ZNF26: variants seen among roughly 807,000 people sequenced by gnomAD.
The protein encoded by ZNF26 is epididymis luminal protein 179.
ZNF26 carries 32 observed loss-of-function variants against 54.9 expected under a neutral mutation model. The observed-to-expected ratio is 0.58, with a 90% CI of 0.44 to 0.78. ZNF26 has a LOEUF of 0.78. ZNF26 is among the 30% of genes least tolerant of loss of function. The pLI is 0.00. For missense variants in ZNF26, 524 were observed against 634.0 expected (o/e 0.83, Z 1.86); for synonymous variants, 221 against 209.2 (o/e 1.06, Z -0.49).
chr12:132,993,957 G>T (rs1297039552), intron 1 of ZNF26, among the ~76,000 whole-genome samples: 1 of 152,150 alleles, frequency 6.6e-6, no homozygotes, highest in Non-Finnish European at 1.5e-5. Flanking sequence ...AACCTCACAA[G>T]TATTTCCCAG....
At position 133,022,664 on chromosome 12, in the gene ZNF26, T is replaced by A. The variant is rs1953659471; in HGVS notation, c.*11183T>A. Reference sequence around the variant, plus strand: ...CAATACAAATTTAATTAAAACAAAATAAATCTGATAAAGATGTAAAAGAAT... The same window carrying A: ...CAATACAAATTTAATTAAAACAAAAAAAATCTGATAAAGATGTAAAAGAAT... On this transcript the variant is annotated 3_prime_UTR_variant, in exon 4 of 4. Coordinates refer to ENST00000328654, the MANE Select transcript of ZNF26 (RefSeq NM_019591.4). The A allele has an allele frequency of 6.9e-6, 1 of 144,786 alleles. No individual in the cohort carries two copies. Among genetic ancestry groups the A allele is most frequent in the African/African-American group, 2.9e-5 (1 of 34,542 alleles). The allele number at this position is 144,786 out of a possible 1,614,324, so 9.0% of individuals were successfully genotyped here. A position where few individuals can be genotyped will look rare whatever the true frequency, so the allele number is the denominator to read the frequency against.
In ZNF26 at chr12:133,011,159, A is replaced by G; in HGVS notation, c.1280A>G (p.Glu427Gly). ...RRTHTGERPY[E>G]CSLCERAFCG... ...ACACACACCGGAGAGAGACCCTATG[A>G]ATGTAGTTTGTGTGAGAGAGCCTTT... is the stretch of plus-strand genomic sequence containing the variant. Residue 427 changes from glutamate to glycine, a missense_variant, in exon 4 of 4, where the codon GAA (glutamate) becomes GGA (glycine). By Grantham distance (98) the Glu-to-Gly change is moderately conservative. Transcript: ENST00000328654. 6.2e-7 allele frequency: 1 copy of G among 1,614,134 alleles called. No homozygotes were observed. Among genetic ancestry groups the G allele is most frequent in the Non-Finnish European group, 8.5e-7 (1 of 1,180,022 alleles).
In ZNF26 at chr12:133,017,859, A is replaced by G. The variant is rs1385121182; in HGVS notation, c.*6378A>G. ...CCCATCTCTATTAAAAACACAAAAAATTAGCGGGGCGTGGTGGCGGGCGCC... is the reference window on the plus strand; with the variant it reads ...CCCATCTCTATTAAAAACACAAAAAGTTAGCGGGGCGTGGTGGCGGGCGCC... On this transcript the variant is annotated 3_prime_UTR_variant, in exon 4 of 4. Transcript: ENST00000328654. 1 of 152,184 alleles carries G rather than the reference A, an allele frequency of 6.6e-6. No individual in the cohort carries two copies. Among genetic ancestry groups the G allele is most frequent in the Non-Finnish European group, 1.5e-5 (1 of 68,092 alleles). 9.4% of individuals were successfully genotyped at this position (152,184 alleles called of 1,614,324 possible).
rs1953679437 is a variant in ZNF26 at position 133,024,662 on chromosome 12, G to T, written c.*13181G>T. On this transcript the variant is annotated 3_prime_UTR_variant, in exon 4 of 4. Transcript: ENST00000328654. ...TAAGATTCCAGAAAGATCTGAAGCG[G>T]TGCCTCCTGACCCCCTTCAATGAAT... 6.6e-6 allele frequency: 1 copy of T among 152,150 alleles called. No homozygotes were observed. Among genetic ancestry groups the T allele is most frequent in the African/African-American group, 2.4e-5 (1 of 41,416 alleles). The allele number at this position is 152,150 out of a possible 1,614,324, so 9.4% of individuals were successfully genotyped here. A position where few individuals can be genotyped will look rare whatever the true frequency, so the allele number is the denominator to read the frequency against.
rs375815433 is a variant in ZNF26, at chr12:132,986,774, C to T, written c.-67C>T. 3.2e-6 allele frequency: 5 copies of T among 1,538,482 alleles called. No homozygotes were observed. In the African/African-American group the frequency reaches 5.5e-5, roughly 17 times the overall value. On this transcript the variant is annotated 5_prime_UTR_variant, in exon 1 of 4. Coordinates refer to ENST00000328654, the MANE Select transcript of ZNF26 (RefSeq NM_019591.4). The stretch of plus-strand genomic sequence containing the variant: ...CGCACCTGTCTTCGGGCGGACGCAT[C>T]CCTCACGGTCTCTCCGCAGCCCGCG...
chr12:132,993,048 G>A (rs1952998421), intron 1 of ZNF26, among the ~76,000 whole-genome samples: 1 of 93,368 alleles, frequency 1.1e-5, no homozygotes, highest in Non-Finnish European at 2.4e-5. Flanking sequence ...TTTTTGAGAT[G>A]GAGTCTCACT....
Position 133,020,081 on chromosome 12 carries a change from G to A in ZNF26, c.*8600G>A, listed in dbSNP as rs1315761835. ...GCTGCCCTCCAGCCTGGGCGACAGAGTAAAGCTCCATCTCAAAAAACAAAA... is the reference window on the plus strand; with the variant it reads ...GCTGCCCTCCAGCCTGGGCGACAGAATAAAGCTCCATCTCAAAAAACAAAA... On this transcript the variant is annotated 3_prime_UTR_variant, in exon 4 of 4. Transcript: ENST00000328654. The A allele has an allele frequency of 7.2e-6, 1 of 138,760 alleles. No homozygotes were observed. Among genetic ancestry groups the A allele is most frequent in the Non-Finnish European group, 1.5e-5 (1 of 64,846 alleles). The allele number at this position is 138,760 out of a possible 1,614,324, so 8.6% of individuals were successfully genotyped here.
At chr12:133,008,449 A>G (rs1405719170) in intron 3 of ZNF26, among the ~76,000 whole-genome samples, 29 of 152,216 alleles carry the variant, frequency 1.9e-4, no homozygotes, top group African/African-American at 6.0e-4. Context: ...AACTCCAGAC[A>G]TGTGTTAGGC....
rs145723824 is a variant in ZNF26 at position 132,997,466 on chromosome 12, CAG to C, written c.34-9575_34-9574del. 9.3e-3 allele frequency among the ~76,000 whole-genome samples: 1,419 copies of C among 152,150 alleles called. 18 individuals carry two copies. The highest frequency in any genetic ancestry group is 0.032 in the African/African-American group (1,346 of 41,482). On this transcript the variant is annotated intron_variant, in intron 1 of 3. Coordinates refer to ENST00000328654, the MANE Select transcript of ZNF26 (RefSeq NM_019591.4). ...TGAGCTTCCAAGATAGAGTCCAGAA[CAG>C]GGGTTAATCAGAAGCCCACATGGTC...
At chr12:132,990,047 G>A (rs1952913821) in intron 1 of ZNF26, among the ~76,000 whole-genome samples, 1 of 152,142 alleles carries the variant, frequency 6.6e-6, no homozygotes, top group Non-Finnish European at 1.5e-5. Flanking sequence ...ACTTTGGGAG[G>A]CTGAGGCAGG....
intron 1 of ZNF26, among the ~76,000 whole-genome samples, chr12:133,004,226 G>A (rs1458119264): frequency 6.6e-6 from 1 of 152,130 alleles, no homozygotes; most frequent in Non-Finnish European, 1.5e-5. Flanking sequence ...GTTGTTCACA[G>A]GCACACTGAA....
At chr12:132,987,786 T>G in intron 1 of ZNF26, 5 of 960,476 alleles carry the variant, frequency 5.2e-6, no homozygotes, top group Non-Finnish European at 6.2e-6. Flanking sequence ...CTCAGGTTAA[T>G]GAAAGGAAAG....
At chr12:132,998,330 C>G (rs1726249869) in intron 1 of ZNF26, among the ~76,000 whole-genome samples, 1 of 151,972 alleles carries the variant, frequency 6.6e-6, no homozygotes, top group Non-Finnish European at 1.5e-5. Flanking sequence ...GCACGCCTGG[C>G]TAATTTTTGT....
rs919863009 is a variant in ZNF26, at chr12:133,012,968, G to C, written c.*1487G>C. ...TAACAAAGTGGGGTATATGATTTAGGTTTGTTTGTTTTTCCTGAGACAAGA... is the reference window on the plus strand; with the variant it reads ...TAACAAAGTGGGGTATATGATTTAGCTTTGTTTGTTTTTCCTGAGACAAGA... On this transcript the variant is annotated 3_prime_UTR_variant, in exon 4 of 4. Transcript: ENST00000328654. 5.9e-5 allele frequency: 9 copies of C among 152,068 alleles called. No individual in the cohort carries two copies. Among genetic ancestry groups the C allele is most frequent in the African/African-American group, 2.2e-4 (9 of 41,422 alleles). The allele number at this position is 152,068 out of a possible 1,614,324, so 9.4% of individuals were successfully genotyped here. A position where few individuals can be genotyped will look rare whatever the true frequency, so the allele number is the denominator to read the frequency against.
Position 133,001,726 on chromosome 12 carries a change from C to T in ZNF26, c.34-5316C>T. 2 of 1,288,786 alleles carry T rather than the reference C, an allele frequency of 1.6e-6. No homozygotes were observed. The highest frequency in any genetic ancestry group is 2.3e-5 in the Admixed American group (1 of 43,544). The allele number at this position is 1,288,786 out of a possible 1,614,324, so 79.8% of individuals were successfully genotyped here. Reference sequence around the variant, plus strand: ...TTGGGCCCAGGGAAACAGTGCCCTGCCTGAGGTGAGCCGCAGGGAGGCGGG... The same window carrying T: ...TTGGGCCCAGGGAAACAGTGCCCTGTCTGAGGTGAGCCGCAGGGAGGCGGG... On this transcript the variant is annotated intron_variant, in intron 1 of 3. Coordinates refer to ENST00000328654, the MANE Select transcript of ZNF26 (RefSeq NM_019591.4). This position sits in a 1 kb window ranked among gnomAD's most constrained non-coding sequence, Gnocchi z 4.7.
chr12:133,025,116 A>G lies in ZNF26; in HGVS notation c.*13635A>G, dbSNP rs1297532957. ...GAGAAGTCCAAGAAAGCAGAACCAA[A>G]CCCTAATCACCGAACTGGTAATGGG... On this transcript the variant is annotated 3_prime_UTR_variant, in exon 4 of 4. Coordinates refer to ENST00000328654, the MANE Select transcript of ZNF26 (RefSeq NM_019591.4). 1 of 152,044 alleles carries G rather than the reference A, an allele frequency of 6.6e-6. No individual in the cohort carries two copies. Among genetic ancestry groups the G allele is most frequent in the East Asian group, 1.9e-4 (1 of 5,190 alleles). The allele number at this position is 152,044 out of a possible 1,614,324, so 9.4% of individuals were successfully genotyped here. A position where few individuals can be genotyped will look rare whatever the true frequency, so the allele number is the denominator to read the frequency against.
At position 133,022,618 on chromosome 12, in the gene ZNF26, A is replaced by G. The variant is rs1953658836; in HGVS notation, c.*11137A>G. The G allele has an allele frequency of 1.3e-5, 2 of 152,336 alleles. No individual in the cohort carries two copies. Among genetic ancestry groups the G allele is most frequent in the South Asian group, 2.1e-4 (1 of 4,828 alleles). The allele number at this position is 152,336 out of a possible 1,614,324, so 9.4% of individuals were successfully genotyped here. ...ATAAGGGATCTCTGCATTATTTTGTATACTCTAGGTGAAACTATCTCAATA... is the reference window on the plus strand; with the variant it reads ...ATAAGGGATCTCTGCATTATTTTGTGTACTCTAGGTGAAACTATCTCAATA... On this transcript the variant is annotated 3_prime_UTR_variant, in exon 4 of 4. Transcript: ENST00000328654.
At position 133,014,528 on chromosome 12, in the gene ZNF26, T is replaced by G. The variant is rs1223508819; in HGVS notation, c.*3047T>G. The G allele has an allele frequency of 2.1e-5, 3 of 140,818 alleles. No individual in the cohort carries two copies. Among genetic ancestry groups the G allele is most frequent in the South Asian group, 2.4e-4 (1 of 4,188 alleles). 8.7% of individuals were successfully genotyped at this position (140,818 alleles called of 1,614,324 possible). A position where few individuals can be genotyped will look rare whatever the true frequency, so the allele number is the denominator to read the frequency against. The stretch of plus-strand genomic sequence containing the variant: ...GCAGTGATGATGGTTTTGCTTTCTG[T>G]TTTTTTTTTTGTTTTGTTTTGTTTT... On this transcript the variant is annotated 3_prime_UTR_variant, in exon 4 of 4. Transcript: ENST00000328654.
intron 1 of ZNF26, chr12:133,006,808 T>G (rs1953340441): frequency 4.3e-6 from 2 of 470,426 alleles, no homozygotes; most frequent in African/African-American, 3.9e-5. Context: ...TTGGTCAGGC[T>G]GGTCTTGAAC....
Sources: gnomAD v4.1 joint callset for allele counts (sites outside exome capture counted in the v4.1 genomes callset) on GRCh38, gnomAD v4.1.1 for gene constraint, Gnocchi (gnomAD v3.1) non-coding constraint, MANE v1.5 for transcripts, NCBI Gene and HGNC (gene_info 2026-07-23, HGNC 2026-07-21) for gene names.